The following CDC42BPB variants were observed in gnomAD, a reference collection of about 807,000 sequenced individuals.
CDC42BPB encodes serine/threonine-protein kinase MRCK beta.
Under a neutral mutation model 214.9 loss-of-function variants are expected in CDC42BPB, and 37 were observed. The observed-to-expected ratio is 0.17, with a 90% CI of 0.13 to 0.23. The LOEUF (loss-of-function observed/expected upper bound fraction) is 0.23, where lower values mean the gene tolerates loss of function less well. Among genes scored for constraint, CDC42BPB ranks in the 10% least tolerant of loss-of-function variants. CDC42BPB has a pLI of 1.00. For synonymous variants in CDC42BPB, 931 were observed against 884.0 expected, an observed-to-expected ratio of 1.05 and a Z score of -0.94; for missense variants, 1,694 against 2,227.0, an observed-to-expected ratio of 0.76 and a Z score of 4.82.
At chr14:103,003,848 C>T (rs1331236097) in intron 4 of CDC42BPB, 80 bp downstream of exon 4, 2 of 1,159,804 alleles carry the variant, frequency 1.7e-6, no homozygotes, top group Admixed American at 2.1e-5. Context: ...TCCACATTGT[C>T]TGACTGAATT....
At chr14:103,020,615 C>T (rs913663282) in intron 1 of CDC42BPB, among the ~76,000 whole-genome samples, 4 of 151,896 alleles carry the variant, frequency 2.6e-5, no homozygotes, top group Non-Finnish European at 4.4e-5. Context: ...CAGAGCAGCA[C>T]CCCAGGGACC....
chr14:102,970,034 A>G (rs1893403968), intron 14 of CDC42BPB, 117 bp downstream of exon 14: 4 of 767,854 alleles, frequency 5.2e-6, no homozygotes, highest in Non-Finnish European at 8.4e-6. Context: ...TTGTCTGAAC[A>G]GCCTCGGGTG....
Position 102,986,595 on chromosome 14 carries a change from A to G in CDC42BPB, c.597-15T>C, listed in dbSNP as rs754325271. Reference sequence around the variant, plus strand: ...GTTTAATGTCTCTGTTTGTAAAATAAACACACAAATTAACCATCTCCATGC... The same window carrying G: ...GTTTAATGTCTCTGTTTGTAAAATAGACACACAAATTAACCATCTCCATGC... On this transcript the variant is annotated splice_polypyrimidine_tract_variant and intron_variant, in intron 5 of 36. Coordinates refer to ENST00000361246, the MANE Select transcript of CDC42BPB (RefSeq NM_006035.4). The G allele has an allele frequency of 1.9e-6, 3 of 1,611,120 alleles. No individual in the cohort carries two copies. The Admixed American group carries it at 5.0e-5, about 27-fold the overall frequency.
At chr14:103,056,752 G>A (rs949192108) in intron 1 of CDC42BPB, among the ~76,000 whole-genome samples, 5 of 152,096 alleles carry the variant, frequency 3.3e-5, no homozygotes, top group Admixed American at 2.6e-4. Context: ...GAACGCGGAT[G>A]TCGAGCCTAG....
At chr14:103,036,499 T>G (rs1266199021) in intron 1 of CDC42BPB, among the ~76,000 whole-genome samples, 1 of 152,110 alleles carries the variant, frequency 6.6e-6, no homozygotes, top group Non-Finnish European at 1.5e-5. Context: ...TAATTTTTCC[T>G]AAAACTACAG....
intron 36 of CDC42BPB, among the ~76,000 whole-genome samples, 173 bp downstream of exon 36, chr14:102,937,931 G>A (rs907994275): frequency 7.2e-5 from 11 of 152,126 alleles, no homozygotes; most frequent in African/African-American, 2.7e-4. Context: ...ATTGCTGCAC[G>A]AGCCTCCTGG....
At chr14:102,957,198 CA>C (rs1169886657) in intron 21 of CDC42BPB, among the ~76,000 whole-genome samples, 3,501 of 33,412 alleles carry the variant, frequency 0.1, 32 homozygotes, top group African/African-American at 0.23. Flanking sequence ...AAGACTGTCT[CA>C]AAAAAAAAAA....
rs1163709689 is a variant in CDC42BPB, at chr14:102,944,044, G to A, written c.4255C>T (p.Leu1419Phe). Residue 1419 changes from leucine (L) to phenylalanine (F), a missense_variant, in exon 30 of 37, where the codon CTC becomes TTC. Around this residue, in one of 7 missense-constraint regions of CDC42BPB, gnomAD observed 567 missense variants for 790.3 expected, o/e 0.72. Coordinates refer to ENST00000361246, the MANE Select transcript of CDC42BPB (RefSeq NM_006035.4). This position sits in a 1 kb window ranked among gnomAD's most constrained non-coding sequence, Gnocchi z 6.6. ...VNPNDPSLAF[L>F]SQQSFDALCA... ...AGGGCATCAAAAGACTGTTGTGAGA[G>A]GAACGCAAGCGAGGGGTCATTGGGA... 1 of 1,613,600 alleles carries A rather than the reference G, an allele frequency of 6.2e-7. No individual in the cohort carries two copies. Among genetic ancestry groups the A allele is most frequent in the South Asian group, 1.1e-5 (1 of 91,078 alleles).
intron 7 of CDC42BPB, 63 bp from the exon 8 acceptor site, chr14:102,981,084 A>C (rs1330805501): frequency 1.3e-6 from 2 of 1,593,788 alleles, no homozygotes; most frequent in Non-Finnish European, 1.7e-6. Flanking sequence ...TAAGGTGTAC[A>C]GATATGATAG....
chr14:102,999,381 T>C lies in CDC42BPB; in HGVS notation c.596+184A>G, dbSNP rs553162012. ...CCATGACAACTGCAACAATGAGAGC[T>C]GGGATCCACCGGCTGCTGGGGCTGG... On this transcript the variant is annotated intron_variant, in intron 5 of 36. Transcript: ENST00000361246. 7.9e-5 allele frequency among the ~76,000 whole-genome samples: 12 copies of C among 152,260 alleles called. No homozygotes were observed. The East Asian group carries it at 2.1e-3, about 27-fold the overall frequency.
rs1008594621 is a variant in CDC42BPB at position 102,938,031 on chromosome 14, C to T, written c.5004+73G>A. 1.5e-4 allele frequency: 223 copies of T among 1,510,276 alleles called. 3 individuals carry two copies. The highest frequency in any genetic ancestry group is 2.1e-5 in the Non-Finnish European group (23 of 1,089,456). 93.6% of individuals were successfully genotyped at this position (1,510,276 alleles called of 1,614,324 possible). A position where few individuals can be genotyped will look rare whatever the true frequency, so the allele number is the denominator to read the frequency against. ...AAGGGCTGTGACACCACCCAGGGCCCCAGATCTTCGGGCTGCTTTTCCTCC... is the reference window on the plus strand; with the variant it reads ...AAGGGCTGTGACACCACCCAGGGCCTCAGATCTTCGGGCTGCTTTTCCTCC... On this transcript the variant is annotated intron_variant, in intron 36 of 36. Transcript: ENST00000361246.
Position 103,024,620 on chromosome 14 carries a change from G to C in CDC42BPB, c.176-12432C>G, listed in dbSNP as rs1886948232. Among the ~76,000 whole-genome samples, 3 of 152,326 alleles carry C rather than the reference G, an allele frequency of 2.0e-5. No homozygotes were observed. In the South Asian group the frequency reaches 6.2e-4, roughly 32 times the overall value. ...GCTTATAACATAGTCCTTCCTATTTGACAGACTTGAGAAGGCAGGATCTTT... is the reference window on the plus strand; with the variant it reads ...GCTTATAACATAGTCCTTCCTATTTCACAGACTTGAGAAGGCAGGATCTTT... On this transcript the variant is annotated intron_variant, in intron 1 of 36. Coordinates refer to ENST00000361246, the MANE Select transcript of CDC42BPB (RefSeq NM_006035.4).
intron 17 of CDC42BPB, 21 bp downstream of exon 17, chr14:102,967,025 C>A: frequency 6.2e-7 from 1 of 1,610,360 alleles, no homozygotes; most frequent in East Asian, 2.2e-5. Context: ...TTCACGGCCG[C>A]TAATGGGGCC....
chr14:102,975,656 C>T, intron 11 of CDC42BPB, 28 bp downstream of exon 11: 2 of 1,610,104 alleles, frequency 1.2e-6, no homozygotes, highest in Non-Finnish European at 1.7e-6. Flanking sequence ...AAAATAGAGA[C>T]TAAGAAGTCA....
chr14:103,007,730 G>A (rs1885918171), intron 3 of CDC42BPB, among the ~76,000 whole-genome samples: 1 of 152,226 alleles, frequency 6.6e-6, no homozygotes, highest in African/African-American at 2.4e-5. Flanking sequence ...ACTGCCAAGT[G>A]CCTTCTGGCA....
At chr14:102,987,108 C>T (rs963128037) in intron 5 of CDC42BPB, among the ~76,000 whole-genome samples, 3 of 152,202 alleles carry the variant, frequency 2.0e-5, no homozygotes, top group Admixed American at 1.3e-4. Flanking sequence ...AGTGGCCAGA[C>T]GAGGTCCAGG....
chr14:103,049,776 C>T (rs955921298), intron 1 of CDC42BPB, among the ~76,000 whole-genome samples: 1 of 152,352 alleles, frequency 6.6e-6, no homozygotes, highest in Admixed American at 6.5e-5. Flanking sequence ...AGCAATGGCA[C>T]AATCTCGGCT....
At chr14:102,949,948 C>G in intron 25 of CDC42BPB, 44 bp from the exon 26 acceptor site, 2 of 1,606,076 alleles carry the variant, frequency 1.2e-6, no homozygotes, top group South Asian at 1.1e-5. Flanking sequence ...CCAGGCCAGG[C>G]AGGCCGCCAG....
intron 1 of CDC42BPB, among the ~76,000 whole-genome samples, chr14:103,037,448 C>T (rs1223580915): frequency 6.6e-6 from 1 of 152,164 alleles, no homozygotes; most frequent in East Asian, 1.9e-4. Context: ...TGTGCACCAC[C>T]ATGCCCAGCT....
Sources: gnomAD v4.1 joint callset for allele counts (sites outside exome capture counted in the v4.1 genomes callset) on GRCh38, gnomAD v4.1.1 for gene constraint, gnomAD v4.1.1 regional missense constraint, Gnocchi (gnomAD v3.1) non-coding constraint, MANE v1.5 for transcripts, NCBI Gene and HGNC (gene_info 2026-07-23, HGNC 2026-07-21) for gene names.